Variants in CDH19 observed in about 807,000 individuals in gnomAD.
The protein encoded by CDH19 is cadherin-19.
CDH19 carries 67 observed loss-of-function variants against 64.2 expected under a neutral mutation model. That is an observed-to-expected ratio of 1.04 (90% CI 0.86 to 1.28). The LOEUF is 1.28. Ranked by LOEUF, CDH19 falls within the 50% of genes most tolerant of loss-of-function variation. The pLI, the probability that CDH19 is intolerant of heterozygous loss-of-function variation, is 0.00. For missense variants in CDH19, 1,030 were observed against 929.0 expected (o/e 1.11, Z -1.41); for synonymous variants, 346 against 319.3 (o/e 1.08, Z -0.89).
In CDH19 at chr18:66,517,931, C is replaced by G. The variant is rs111671204; in HGVS notation, c.1459-6246G>C. ...CAATTCTATCATTTATTTGGAAGCACTGCATTACATACTCATATTTTCAAA... is the reference window on the plus strand; with the variant it reads ...CAATTCTATCATTTATTTGGAAGCAGTGCATTACATACTCATATTTTCAAA... On this transcript the variant is annotated intron_variant, in intron 9 of 11. Coordinates refer to ENST00000262150, the MANE Select transcript of CDH19 (RefSeq NM_021153.4). Among the ~76,000 whole-genome samples the G allele has an allele frequency of 9.9e-4, 150 of 151,954 alleles. 1 individual carries two copies. Among genetic ancestry groups the G allele is most frequent in the African/African-American group, 3.5e-3 (144 of 41,508 alleles).
chr18:66,519,552 TA>T (rs992560993), intron 9 of CDH19, among the ~76,000 whole-genome samples: 7 of 152,292 alleles, frequency 4.6e-5, no homozygotes, highest in Admixed American at 2.0e-4. Flanking sequence ...CATTCTCACA[TA>T]AGGGGAAACA....
At chr18:66,602,677 G>A (rs569354453) in intron 1 of CDH19, among the ~76,000 whole-genome samples, 5 of 151,732 alleles carry the variant, frequency 3.3e-5, no homozygotes, top group East Asian at 1.9e-4. Flanking sequence ...TGAGCATTTC[G>A]TTCACTGTTA....
At chr18:66,600,686 T>C (rs910076061) in intron 1 of CDH19, among the ~76,000 whole-genome samples, 2 of 151,890 alleles carry the variant, frequency 1.3e-5, no homozygotes, top group Non-Finnish European at 1.5e-5. Context: ...CAAAGGAGTA[T>C]ACACATGCAT....
chr18:66,519,506 T>C (rs539054170), intron 9 of CDH19, among the ~76,000 whole-genome samples: 1 of 152,178 alleles, frequency 6.6e-6, no homozygotes, highest in Non-Finnish European at 1.5e-5. Context: ...CACTGTGTAA[T>C]CTTTTTGTTA....
intron 1 of CDH19, among the ~76,000 whole-genome samples, chr18:66,597,181 C>T (rs939359503): frequency 1.5e-5 from 1 of 68,256 alleles, no homozygotes; most frequent in Middle Eastern, 7.7e-3. Flanking sequence ...AAAAAAAAAG[C>T]TGGAAGAACC....
In CDH19 at chr18:66,509,001, T is replaced by G. The variant is rs913243965; in HGVS notation, c.1822A>C (p.Ile608Leu). 1.9e-6 allele frequency: 3 copies of G among 1,606,242 alleles called. No individual in the cohort carries two copies. Among genetic ancestry groups the G allele is most frequent in the Non-Finnish European group, 1.7e-6 (2 of 1,173,632 alleles). The change falls in exon 11 of 12, where the codon ATA becomes CTA. Residue 608 changes from isoleucine (I) to leucine (L), a missense_variant. Physicochemically the swap from Ile to Leu is conservative, Grantham distance 5. Transcript: ENST00000262150. ...AATGATGACTTCTACCTACCAAATATGATCATAATGCAAATGAGAATAGCA... is the reference window on the plus strand; with the variant it reads ...AATGATGACTTCTACCTACCAAATAGGATCATAATGCAAATGAGAATAGCA... ...IIAILICIMI[I>L]FGFIFLTLGL...
Position 66,504,708 on chromosome 18 carries a change from A to G in CDH19, c.*104T>C. On this transcript the variant is annotated 3_prime_UTR_variant, in exon 12 of 12. Transcript: ENST00000262150. ...CCAGGGAAATCAGAAAACTCCATAG[A>G]CTAGGGCTTTCCCCGCCATAGAGCC... is the stretch of plus-strand genomic sequence containing the variant. 8.2e-7 allele frequency: 1 copy of G among 1,213,750 alleles called. No homozygotes were observed. Among genetic ancestry groups the G allele is most frequent in the South Asian group, 1.6e-5 (1 of 63,642 alleles). The allele number at this position is 1,213,750 out of a possible 1,614,324, so 75.2% of individuals were successfully genotyped here.
At chr18:66,536,692 G>A (rs1333938373) in intron 7 of CDH19, among the ~76,000 whole-genome samples, 1 of 151,698 alleles carries the variant, frequency 6.6e-6, no homozygotes, top group Non-Finnish European at 1.5e-5. Context: ...TATAAGCAGT[G>A]ATGTGTAATA....
chr18:66,544,952 A>T (rs745838147), intron 5 of CDH19, 49 bp from the exon 6 acceptor site: 1 of 1,289,716 alleles, frequency 7.8e-7, no homozygotes, highest in Admixed American at 2.5e-5. Context: ...TAATATAGAC[A>T]ACTTGCAATT....
intron 9 of CDH19, among the ~76,000 whole-genome samples, chr18:66,517,318 T>C (rs965572785): frequency 6.6e-6 from 1 of 152,018 alleles, no homozygotes; most frequent in Non-Finnish European, 1.5e-5. Flanking sequence ...AATATTGGTA[T>C]GAGTGAATCT....
At chr18:66,523,473 G>C (rs569959017) in intron 9 of CDH19, among the ~76,000 whole-genome samples, 1 of 152,188 alleles carries the variant, frequency 6.6e-6, no homozygotes, top group South Asian at 2.1e-4. Flanking sequence ...CAGGTTGCCT[G>C]GGTTCACATT....
chr18:66,535,231 C>T (rs1049741845), intron 7 of CDH19, 124 bp from the exon 8 acceptor site: 50 of 452,044 alleles, frequency 1.1e-4, no homozygotes, highest in East Asian at 8.0e-4. Flanking sequence ...TATATAATAC[C>T]GAACAACTTT....
In CDH19 at chr18:66,505,280, ACCC is replaced by A. The variant is rs1292461722; in HGVS notation, c.1848_1850del (p.Leu616_Gly617delinsPhe). ...GAATCTGTTTTCTCCGTTGTTTTAA[ACCC>A]AAAGTCAAAAAAATAAACCCTGATG... On this transcript the variant is annotated inframe_deletion, in exon 12 of 12. Coordinates refer to ENST00000262150, the MANE Select transcript of CDH19 (RefSeq NM_021153.4). 6.4e-7 allele frequency: 1 copy of A among 1,564,288 alleles called. No homozygotes were observed. Among genetic ancestry groups the A allele is most frequent in the African/African-American group, 1.4e-5 (1 of 72,434 alleles).
chr18:66,539,442 T>C (rs1986802553), intron 7 of CDH19, among the ~76,000 whole-genome samples: 1 of 152,146 alleles, frequency 6.6e-6, no homozygotes, highest in African/African-American at 2.4e-5. Flanking sequence ...GAATCTTCTA[T>C]TCATATTGTG....
intron 1 of CDH19, among the ~76,000 whole-genome samples, chr18:66,596,821 G>A (rs1599046761): frequency 6.6e-6 from 1 of 151,788 alleles, no homozygotes; most frequent in East Asian, 1.9e-4. Context: ...GGTGGCTCAC[G>A]CCTGTAGTCC....
At chr18:66,594,737 C>T (rs1302372695) in intron 1 of CDH19, among the ~76,000 whole-genome samples, 2 of 150,660 alleles carry the variant, frequency 1.3e-5, no homozygotes, top group East Asian at 3.9e-4. Context: ...TCATCATTCT[C>T]AGTAAACTAT....
chr18:66,510,757 C>T (rs374741652), intron 10 of CDH19, among the ~76,000 whole-genome samples: 2 of 151,126 alleles, frequency 1.3e-5, no homozygotes, highest in East Asian at 3.9e-4. Context: ...GTTTCCTCCC[C>T]GGGGGAATTT....
At chr18:66,582,149 A>G (rs989292216) in intron 1 of CDH19, among the ~76,000 whole-genome samples, 10 of 152,110 alleles carry the variant, frequency 6.6e-5, no homozygotes, top group Admixed American at 5.2e-4. Context: ...TAACGTTTGG[A>G]CCATTCTTCA....
chr18:66,545,285 T>C, intron 5 of CDH19, among the ~76,000 whole-genome samples: 1 of 152,152 alleles, frequency 6.6e-6, no homozygotes, highest in Non-Finnish European at 1.5e-5. Context: ...GTCGCAATTG[T>C]AGCATTCTTT....
Sources: gnomAD v4.1 joint callset for allele counts (sites outside exome capture counted in the v4.1 genomes callset) on GRCh38, gnomAD v4.1.1 for gene constraint, MANE v1.5 for transcripts, NCBI Gene and HGNC (gene_info 2026-07-23, HGNC 2026-07-21) for gene names.